AGAP1: variants seen among roughly 807,000 people sequenced by gnomAD.
The protein encoded by AGAP1 is arf-GAP with GTPase, ANK repeat and PH domain-containing protein 1.
Under a neutral mutation model 105.3 loss-of-function variants are expected in AGAP1, and 29 were observed. The observed-to-expected ratio is 0.28, with a 90% CI of 0.21 to 0.38. The LOEUF is 0.38. Among genes scored for constraint, AGAP1 ranks in the 10% least tolerant of loss-of-function variants. The pLI, the probability that AGAP1 is intolerant of heterozygous loss-of-function variation, is 1.00. For synonymous variants in AGAP1, 509 were observed against 485.9 expected (o/e 1.05, Z -0.63); for missense variants, 998 against 1,165.1 (o/e 0.86, Z 2.09).
chr2:235,715,562 G>A (rs1036048730), intron 2 of AGAP1, among the ~76,000 whole-genome samples: 3 of 152,302 alleles, frequency 2.0e-5, no homozygotes, highest in Non-Finnish European at 2.9e-5. Flanking sequence ...AGTTGTGTGC[G>A]AGGATTTGGA....
At chr2:236,066,133 A>G (rs2058338686) in intron 16 of AGAP1, among the ~76,000 whole-genome samples, 1 of 152,240 alleles carries the variant, frequency 6.6e-6, no homozygotes, top group African/African-American at 2.4e-5. Context: ...TCACTGTGCA[A>G]ATCCGTTTAC....
chr2:235,804,256 G>T (rs900455728), intron 8 of AGAP1, among the ~76,000 whole-genome samples: 2 of 152,064 alleles, frequency 1.3e-5, no homozygotes, highest in Admixed American at 1.3e-4. Context: ...ACATGGCCTT[G>T]TCCATTTTCA....
intron 12 of AGAP1, among the ~76,000 whole-genome samples, chr2:235,955,408 G>A (rs1317822493): frequency 2.6e-5 from 4 of 152,196 alleles, no homozygotes; most frequent in South Asian, 2.1e-4. Context: ...ACAGAACTTC[G>A]GCTCAGCAGC....
chr2:235,960,356 C>A lies in AGAP1; in HGVS notation c.1484-8106C>A, dbSNP rs1456341746. Among the ~76,000 whole-genome samples the A allele has an allele frequency of 1.3e-5, 2 of 152,182 alleles. No homozygotes were observed. Among genetic ancestry groups the A allele is most frequent in the African/African-American group, 4.8e-5 (2 of 41,442 alleles). On this transcript the variant is annotated intron_variant, in intron 12 of 17. Coordinates refer to ENST00000304032, the MANE Select transcript of AGAP1 (RefSeq NM_001037131.3). This position sits in a 1 kb window ranked among gnomAD's most constrained non-coding sequence, Gnocchi z 4.9. ...CTGTGTCCTCTGAAAAGCTTGCCTC[C>A]TTCTCCCCGCAGTGGCCAGGACAAG...
intron 1 of AGAP1, among the ~76,000 whole-genome samples, chr2:235,618,167 G>A (rs1559292655): frequency 6.6e-6 from 1 of 152,128 alleles, no homozygotes; most frequent in Non-Finnish European, 1.5e-5. Context: ...CGTTGATGAT[G>A]TGTAACCCAT....
rs1257085256 is a variant in AGAP1, at chr2:236,099,421, C to G, written c.2115-20771C>G. 4.0e-5 allele frequency among the ~76,000 whole-genome samples: 6 copies of G among 151,886 alleles called. No individual in the cohort carries two copies. The South Asian group carries it at 1.3e-3, about 32-fold the overall frequency. On this transcript the variant is annotated intron_variant, in intron 16 of 17. Transcript: ENST00000304032. Reference sequence around the variant, plus strand: ...GGTGAGCCGAGATCACACCACTGCACTCCAGCCTGGGCGACAGAGCGAGAC... The same window carrying G: ...GGTGAGCCGAGATCACACCACTGCAGTCCAGCCTGGGCGACAGAGCGAGAC...
At position 235,883,341 on chromosome 2, in the gene AGAP1, G is replaced by A; in HGVS notation, c.1051-4G>A. ...ATTTCTATTTGGCTCTTTTTCCCTT[G>A]TAGGGCATGCTGTTGAAGCGAAGTG... On this transcript the variant is annotated splice_polypyrimidine_tract_variant and splice_region_variant and intron_variant, in intron 9 of 17. Transcript: ENST00000304032. This position sits in a 1 kb window ranked among gnomAD's most constrained non-coding sequence, Gnocchi z 4.5. 1 of 1,612,158 alleles carries A rather than the reference G, an allele frequency of 6.2e-7. No individual in the cohort carries two copies.
In AGAP1 at chr2:235,927,777, A is replaced by C. The variant is rs1457438451; in HGVS notation, c.1325-2988A>C. Among the ~76,000 whole-genome samples, 1 of 152,218 alleles carries C rather than the reference A, an allele frequency of 6.6e-6. No individual in the cohort carries two copies. The highest frequency in any genetic ancestry group is 1.5e-5 in the Non-Finnish European group (1 of 68,038). ...GGTTGTCATCGGAGAACCACTCTCC[A>C]GGGAGAAGGAGCAAGAGAAGCGGTG... On this transcript the variant is annotated intron_variant, in intron 11 of 17. Transcript: ENST00000304032. The surrounding 1 kb of genome is among the most constrained non-coding windows in gnomAD (Gnocchi z 4.4).
intron 15 of AGAP1, among the ~76,000 whole-genome samples, chr2:236,047,604 T>A (rs1430679518): frequency 1.6e-5 from 2 of 124,578 alleles, no homozygotes; most frequent in Non-Finnish European, 3.3e-5. Flanking sequence ...ATTTCTTTTT[T>A]TTTTTTTTTT....
intron 7 of AGAP1, 134 bp downstream of exon 7, chr2:235,798,020 A>T (rs1223954618): frequency 6.0e-6 from 7 of 1,165,126 alleles, no homozygotes; most frequent in Non-Finnish European, 8.4e-6. Context: ...AATTGACTTC[A>T]CATTTTCTTC....
chr2:236,040,500 C>A lies in AGAP1; in HGVS notation c.1801-251C>A. On this transcript the variant is annotated intron_variant, in intron 14 of 17. Transcript: ENST00000304032. This position sits in a 1 kb window ranked among gnomAD's most constrained non-coding sequence, Gnocchi z 5.6. ...ATGATCCAGAACTCTCCTCTTTGCT[C>A]ATTTCTGGCAGAGTCCGTCTCAGCT... The A allele has an allele frequency of 1.9e-6, 1 of 528,766 alleles. No individual in the cohort carries two copies. The highest frequency in any genetic ancestry group is 3.4e-6 in the Non-Finnish European group (1 of 294,184). 32.8% of individuals were successfully genotyped at this position (528,766 alleles called of 1,614,324 possible).
intron 15 of AGAP1, among the ~76,000 whole-genome samples, chr2:236,043,473 T>C (rs1436129220): frequency 6.6e-6 from 1 of 152,212 alleles, no homozygotes; most frequent in Non-Finnish European, 1.5e-5. Flanking sequence ...ACGCCTGTAA[T>C]CCCAGCACTT....
intron 6 of AGAP1, among the ~76,000 whole-genome samples, chr2:235,759,257 C>T (rs1333909677): frequency 2.0e-5 from 3 of 151,042 alleles, no homozygotes; most frequent in Admixed American, 1.3e-4. Flanking sequence ...CAAGCTCCAC[C>T]TCCTGGGTTC....
At chr2:235,603,336 C>G (rs1041162908) in intron 1 of AGAP1, among the ~76,000 whole-genome samples, 2 of 152,264 alleles carry the variant, frequency 1.3e-5, no homozygotes, top group Admixed American at 1.3e-4. Flanking sequence ...TATAAATTAC[C>G]CAGCCTAGGG....
Position 235,959,280 on chromosome 2 carries a change from G to A in AGAP1, c.1484-9182G>A, listed in dbSNP as rs374548493. Among the ~76,000 whole-genome samples the A allele has an allele frequency of 6.6e-6, 1 of 152,204 alleles. No homozygotes were observed. Among genetic ancestry groups the A allele is most frequent in the Non-Finnish European group, 1.5e-5 (1 of 68,028 alleles). Reference sequence around the variant, plus strand: ...GTGGGCCGGCTGGAGCTCATTTACAGTGTCTCAGGCGGGGCTTTCGGGGCC... The same window carrying A: ...GTGGGCCGGCTGGAGCTCATTTACAATGTCTCAGGCGGGGCTTTCGGGGCC... On this transcript the variant is annotated intron_variant, in intron 12 of 17. Coordinates refer to ENST00000304032, the MANE Select transcript of AGAP1 (RefSeq NM_001037131.3). This position sits in a 1 kb window ranked among gnomAD's most constrained non-coding sequence, Gnocchi z 7.3.
intron 1 of AGAP1, among the ~76,000 whole-genome samples, chr2:235,613,862 A>G (rs894184952): frequency 6.6e-6 from 1 of 152,218 alleles, no homozygotes; most frequent in Non-Finnish European, 1.5e-5. Context: ...GTGAATTAGC[A>G]TATAGTGGCG....
At chr2:235,880,576 CA>C (rs57466604) in intron 9 of AGAP1, among the ~76,000 whole-genome samples, 1,838 of 142,192 alleles carry the variant, frequency 0.013, 31 homozygotes, top group African/African-American at 0.033. Flanking sequence ...ACTAAAAATA[CA>C]AAAAAAAAAA....
chr2:235,819,621 C>G (rs930206192), intron 9 of AGAP1, among the ~76,000 whole-genome samples: 2 of 152,166 alleles, frequency 1.3e-5, no homozygotes, highest in African/African-American at 4.8e-5. Context: ...CAGATGCCTT[C>G]TGTTCCAGGT....
rs754864357 is a variant in AGAP1 at position 235,732,718 on chromosome 2, A to G, written c.311-8245A>G. Among the ~76,000 whole-genome samples the G allele has an allele frequency of 2.6e-5, 4 of 152,082 alleles. No individual in the cohort carries two copies. The South Asian group carries it at 8.3e-4, about 31-fold the overall frequency. On this transcript the variant is annotated intron_variant, in intron 3 of 17. Coordinates refer to ENST00000304032, the MANE Select transcript of AGAP1 (RefSeq NM_001037131.3). The surrounding 1 kb of genome is among the most constrained non-coding windows in gnomAD (Gnocchi z 4.8). The stretch of plus-strand genomic sequence containing the variant: ...CAGACATTGTCTTTCCCTGAGACCG[A>G]TGCTGACCACTGGGAAGACTTCTCC...
Sources: allele counts gnomAD v4.1 joint callset (sites outside exome capture counted in the v4.1 genomes callset), GRCh38; gene constraint gnomAD v4.1.1; non-coding constraint Gnocchi (gnomAD v3.1); transcripts MANE v1.5; gene names NCBI Gene and HGNC (gene_info 2026-07-23, HGNC 2026-07-21).